The following MYO9A variants were observed in gnomAD, a reference collection of about 807,000 sequenced individuals.
The protein encoded by MYO9A is myosin IXA, also known as unconventional myosin-IXa.
MYO9A carries 103 observed loss-of-function variants against 293.3 expected under a neutral mutation model. The observed-to-expected ratio is 0.35, with a 90% CI of 0.30 to 0.41. The LOEUF (loss-of-function observed/expected upper bound fraction) is 0.41, where lower values mean the gene tolerates loss of function less well. MYO9A is among the 10% of genes least tolerant of loss of function. MYO9A has a pLI of 1.00. For synonymous variants in MYO9A, 1,001 were observed against 1,035.7 expected, an observed-to-expected ratio of 0.97 and a Z score of 0.64; for missense variants, 2,685 against 3,033.0, an observed-to-expected ratio of 0.89 and a Z score of 2.69.
chr15:71,962,274 G>A (rs1403346645), intron 13 of MYO9A, among the ~76,000 whole-genome samples: 1 of 152,194 alleles, frequency 6.6e-6, no homozygotes, highest in East Asian at 1.9e-4. Flanking sequence ...AGTTGGTACA[G>A]CTTCATAGAA....
chr15:72,117,944 G>A lies in MYO9A; in HGVS notation c.-336C>T. 2 of 401,304 alleles carry A rather than the reference G, an allele frequency of 5.0e-6. No individual in the cohort carries two copies. The highest frequency in any genetic ancestry group is 8.8e-6 in the Non-Finnish European group (2 of 228,472). 24.9% of individuals were successfully genotyped at this position (401,304 alleles called of 1,614,324 possible). A position where few individuals can be genotyped will look rare whatever the true frequency, so the allele number is the denominator to read the frequency against. ...CCCAGAGAGCACGCGTTGGACCGCC[G>A]CCTCAACCGCTGCCAGCGGCCGCCT... is the stretch of plus-strand genomic sequence containing the variant. On this transcript the variant is annotated 5_prime_UTR_variant, in exon 1 of 42. Coordinates refer to ENST00000356056, the MANE Select transcript of MYO9A (RefSeq NM_006901.4).
At chr15:72,091,125 G>A (rs1240212124) in intron 1 of MYO9A, among the ~76,000 whole-genome samples, 1 of 151,956 alleles carries the variant, frequency 6.6e-6, no homozygotes, top group Non-Finnish European at 1.5e-5. Context: ...CTGGACCCCA[G>A]GAGTTCAAGG....
rs28660217 is a variant in MYO9A, at chr15:72,013,221, T to C, written c.1156-2774A>G. Among the ~76,000 whole-genome samples the C allele has an allele frequency of 5.6e-3, 860 of 152,316 alleles. 12 individuals are homozygous for C. Among genetic ancestry groups the C allele is most frequent in the African/African-American group, 0.02 (814 of 41,580 alleles). ...TGGAGTTTAATCCCAAGGTTATCTC[T>C]GGGAAACAATATAAAACCTACAGAG... On this transcript the variant is annotated intron_variant, in intron 6 of 41. Transcript: ENST00000356056.
intron 14 of MYO9A, among the ~76,000 whole-genome samples, chr15:71,956,556 G>A (rs946298087): frequency 1.3e-5 from 2 of 149,938 alleles, no homozygotes; most frequent in Admixed American, 1.3e-4. Context: ...TGAGGCAAGA[G>A]AATCGCTTGA....
chr15:71,831,160 T>A (rs1401632008), intron 39 of MYO9A, among the ~76,000 whole-genome samples: 2 of 152,192 alleles, frequency 1.3e-5, no homozygotes, highest in African/African-American at 4.8e-5. Context: ...TTAGTGCTGA[T>A]CTAAATGTCA....
At chr15:72,094,963 C>T (rs2080025274) in intron 1 of MYO9A, among the ~76,000 whole-genome samples, 1 of 91,568 alleles carries the variant, frequency 1.1e-5, no homozygotes, top group Non-Finnish European at 3.3e-5. Flanking sequence ...ACTGCTCCAT[C>T]GACCAGCTGT....
chr15:71,827,380 T>C (rs1014960367), intron 41 of MYO9A, among the ~76,000 whole-genome samples: 1 of 145,620 alleles, frequency 6.9e-6, no homozygotes, highest in African/African-American at 2.6e-5. Flanking sequence ...TGTATATGTA[T>C]ATAGTCCCAC....
At chr15:71,887,844 A>C (rs548525735) in intron 27 of MYO9A, among the ~76,000 whole-genome samples, 160 bp downstream of exon 27, 2 of 152,256 alleles carry the variant, frequency 1.3e-5, no homozygotes, top group East Asian at 3.9e-4. Context: ...ATGTGCCTAT[A>C]AACAGTAGGT....
Position 72,078,338 on chromosome 15 carries a change from T to C in MYO9A, c.-71-31704A>G, listed in dbSNP as rs2079435227. Among the ~76,000 whole-genome samples the C allele has an allele frequency of 2.2e-5, 3 of 134,570 alleles. No individual in the cohort carries two copies. The South Asian group carries it at 7.1e-4, about 32-fold the overall frequency. 88.3% of individuals were successfully genotyped at this position (134,570 alleles called of 152,430 possible). A position where few individuals can be genotyped will look rare whatever the true frequency, so the allele number is the denominator to read the frequency against. ...GTGTGACCTCCTTCTCTACAAAAAA[T>C]AAAATTAGCCAGGCATGGTGGTACA... On this transcript the variant is annotated intron_variant, in intron 1 of 41. Coordinates refer to ENST00000356056, the MANE Select transcript of MYO9A (RefSeq NM_006901.4).
chr15:71,925,210 T>C (rs927430404), intron 18 of MYO9A, among the ~76,000 whole-genome samples: 11 of 5,934 alleles, frequency 1.9e-3, no homozygotes, highest in South Asian at 5.8e-3. Context: ...CATATATACA[T>C]GTGTATATAT....
At chr15:72,070,077 C>T (rs551669091) in intron 1 of MYO9A, among the ~76,000 whole-genome samples, 5 of 139,190 alleles carry the variant, frequency 3.6e-5, no homozygotes, top group Non-Finnish European at 7.7e-5. Flanking sequence ...TGCAGTGAGC[C>T]GAGATATCTC....
chr15:72,047,640 C>T (rs1223359489), intron 1 of MYO9A, among the ~76,000 whole-genome samples: 1 of 151,882 alleles, frequency 6.6e-6, no homozygotes, highest in Non-Finnish European at 1.5e-5. Context: ...TTCTTATCTT[C>T]ATTAGTTAGT....
intron 18 of MYO9A, among the ~76,000 whole-genome samples, chr15:71,928,057 T>TATATATATATATA (rs1491302118): frequency 4.9e-3 from 22 of 4,492 alleles, no homozygotes; most frequent in South Asian, 0.014. Flanking sequence ...TATATATATA[T>TATATATATATATA]TTTTTTTTTT....
intron 39 of MYO9A, among the ~76,000 whole-genome samples, chr15:71,846,924 A>G (rs921961595): frequency 2.0e-5 from 3 of 152,234 alleles, no homozygotes; most frequent in Admixed American, 2.0e-4. Context: ...TGCTAAGTGG[A>G]TAAGAACCAT....
At chr15:71,966,921 C>T (rs549679627) in intron 13 of MYO9A, among the ~76,000 whole-genome samples, 57 of 152,224 alleles carry the variant, frequency 3.7e-4, no homozygotes, top group African/African-American at 1.3e-3. Context: ...AACCCCCTGT[C>T]TATTCTCTAA....
At position 71,960,089 on chromosome 15, in the gene MYO9A, C is replaced by T. The variant is rs762897653; in HGVS notation, c.1994G>A (p.Arg665Gln). The T allele has an allele frequency of 8.1e-6, 13 of 1,612,446 alleles. No homozygotes were observed. In the South Asian group the frequency reaches 1.1e-4, roughly 14 times the overall value. ...GCGCATATGATCTGTATTTTTTTCC[C>T]GGAAATCCTATATGAAAAAAGTACC... ...GKVKYGVKDFREKNTDHMRPD... is the reference protein window; with the variant it reads ...GKVKYGVKDFQEKNTDHMRPD... Residue 665 changes from arginine to glutamine, a missense_variant, in exon 14 of 42, where the codon CGG becomes CAG. Physicochemically the swap from Arg to Gln is conservative, Grantham distance 43. Around this residue, in one of 10 missense-constraint regions of MYO9A, gnomAD observed 201 missense variants for 245.2 expected, o/e 0.82. Transcript: ENST00000356056.
intron 8 of MYO9A, among the ~76,000 whole-genome samples, chr15:72,002,270 A>G (rs1409691534): frequency 6.8e-6 from 1 of 147,914 alleles, no homozygotes; most frequent in Non-Finnish European, 1.5e-5. Flanking sequence ...TTTTTTAGAC[A>G]GAGTTTTACT....
chr15:72,027,160 A>G (rs1259252945), intron 4 of MYO9A, among the ~76,000 whole-genome samples: 1 of 152,224 alleles, frequency 6.6e-6, no homozygotes, highest in African/African-American at 2.4e-5. Flanking sequence ...AGAAAAAGTT[A>G]CTAATAGTTT....
At chr15:72,044,378 C>CAATG (rs1278724430) in intron 2 of MYO9A, among the ~76,000 whole-genome samples, 1 of 151,564 alleles carries the variant, frequency 6.6e-6, no homozygotes, top group Non-Finnish European at 1.5e-5. Context: ...TGCACTCCAG[C>CAATG]CTGGCAAGAA....
Sources: gnomAD v4.1 joint callset for allele counts (sites outside exome capture counted in the v4.1 genomes callset) on GRCh38, gnomAD v4.1.1 for gene constraint, gnomAD v4.1.1 regional missense constraint, MANE v1.5 for transcripts, NCBI Gene and HGNC (gene_info 2026-07-23, HGNC 2026-07-21) for gene names.